The following PLA2G6 variants were observed in gnomAD, a reference collection of about 807,000 sequenced individuals.
The protein encoded by PLA2G6 is phospholipase A2 group VI, also known as 85/88 kDa calcium-independent phospholipase A2.
In PLA2G6, 62 loss-of-function variants were observed where a neutral mutation model predicts 83.8. The ratio of observed to expected loss-of-function variants is 0.74; its 90% CI spans 0.60 to 0.91. The LOEUF (loss-of-function observed/expected upper bound fraction) is 0.91, where lower values mean the gene tolerates loss of function less well. Among genes scored for constraint, PLA2G6 ranks in the 40% least tolerant of loss-of-function variants. The pLI is 0.00. For missense variants in PLA2G6, 944 were observed against 1,102.0 expected (o/e 0.86, Z 2.03); for synonymous variants, 417 against 449.8 (o/e 0.93, Z 0.92).
chr22:38,145,302 T>C lies in PLA2G6; in HGVS notation c.425+136A>G, dbSNP rs1176017745. On this transcript the variant is annotated intron_variant, in intron 3 of 16. Coordinates refer to ENST00000332509, the MANE Select transcript of PLA2G6 (RefSeq NM_003560.4). ...CCTCAGCCTCCCAAAGTGCTGGGAC[T>C]GCGTTAGTGAGCGACCATGCCAGGC... 3.9e-6 allele frequency: 3 copies of C among 769,462 alleles called. 1 individual carries two copies. The highest frequency in any genetic ancestry group is 6.8e-6 in the Non-Finnish European group (3 of 439,554). 47.7% of individuals were successfully genotyped at this position (769,462 alleles called of 1,614,324 possible).
chr22:38,173,924 C>T lies in PLA2G6; in HGVS notation c.-45-4453G>A, dbSNP rs895392415. Among the ~76,000 whole-genome samples, 174 of 152,000 alleles carry T rather than the reference C, an allele frequency of 1.1e-3. 1 individual carries two copies. The highest frequency in any genetic ancestry group is 9.8e-3 in the Admixed American group (149 of 15,270). On this transcript the variant is annotated intron_variant, in intron 1 of 16. Coordinates refer to ENST00000332509, the MANE Select transcript of PLA2G6 (RefSeq NM_003560.4). Reference sequence around the variant, plus strand: ...AAAATTAGCTGGGCATGGTGGTGTGCGCCTGTGGTCCCAGCTACTCGGGAG... The same window carrying T: ...AAAATTAGCTGGGCATGGTGGTGTGTGCCTGTGGTCCCAGCTACTCGGGAG...
Position 38,111,811 on chromosome 22 carries a change from G to T in PLA2G6, c.*350C>A, listed in dbSNP as rs11570770. On this transcript the variant is annotated 3_prime_UTR_variant, in exon 17 of 17. Coordinates refer to ENST00000332509, the MANE Select transcript of PLA2G6 (RefSeq NM_003560.4). ...CTGGGGGCTGGGGCAGAGGCAGCCCGGCAGGCCCTCAGGGAGGCTGGGGCT... is the reference window on the plus strand; with the variant it reads ...CTGGGGGCTGGGGCAGAGGCAGCCCTGCAGGCCCTCAGGGAGGCTGGGGCT... 0.098 allele frequency: 36,255 copies of T among 369,066 alleles called. 1,994 individuals carry two copies. Among genetic ancestry groups the T allele is most frequent in the East Asian group, 0.14 (2,134 of 14,994 alleles). 22.9% of individuals were successfully genotyped at this position (369,066 alleles called of 1,614,324 possible). A position where few individuals can be genotyped will look rare whatever the true frequency, so the allele number is the denominator to read the frequency against.
chr22:38,177,042 C>CA (rs11471646), intron 1 of PLA2G6, among the ~76,000 whole-genome samples: 9,924 of 129,338 alleles, frequency 0.077, 640 homozygotes, highest in African/African-American at 0.16. Context: ...GAGACTGTCT[C>CA]AAAAAAAAAA....
chr22:38,119,188 A>T (rs2087381236), intron 12 of PLA2G6, among the ~76,000 whole-genome samples: 1 of 152,112 alleles, frequency 6.6e-6, no homozygotes, highest in African/African-American at 2.4e-5. Context: ...CCACCCAGAC[A>T]CCAGGACTCA....
intron 11 of PLA2G6, among the ~76,000 whole-genome samples, chr22:38,122,504 G>A (rs1470213924): frequency 6.6e-6 from 1 of 152,142 alleles, no homozygotes; most frequent in Non-Finnish European, 1.5e-5. Context: ...AGTGAAAGGA[G>A]ACTACACAGT....
At chr22:38,179,323 G>A (rs2090756698) in intron 1 of PLA2G6, among the ~76,000 whole-genome samples, 1 of 152,118 alleles carries the variant, frequency 6.6e-6, no homozygotes. Context: ...CTGGGTGTGG[G>A]GTAAGAAACA....
At chr22:38,133,105 G>T in intron 6 of PLA2G6, 92 bp from the exon 7 acceptor site, 1 of 1,215,606 alleles carries the variant, frequency 8.2e-7, no homozygotes, top group Non-Finnish European at 1.2e-6. Flanking sequence ...GCTCTGAGAG[G>T]CCTACAGGTA....
chr22:38,168,668 G>C (rs772179253), intron 2 of PLA2G6, among the ~76,000 whole-genome samples: 16 of 152,176 alleles, frequency 1.1e-4, no homozygotes, highest in Non-Finnish European at 1.9e-4. Flanking sequence ...TGGCCAATAT[G>C]ATGAAACCCC....
rs973555681 is a variant in PLA2G6, at chr22:38,122,989, C to A, written c.1591+106G>T. The A allele has an allele frequency of 7.1e-6, 8 of 1,126,010 alleles. No homozygotes were observed. In the African/African-American group the frequency reaches 1.1e-4, roughly 15 times the overall value. The allele number at this position is 1,126,010 out of a possible 1,614,324, so 69.8% of individuals were successfully genotyped here. ...GCCTCCTCAAAGTGCTTATAGCCCT[C>A]CTCTACTCCTCCACTCTCTTTTTGC... On this transcript the variant is annotated intron_variant, in intron 11 of 16. Transcript: ENST00000332509.
At chr22:38,122,065 C>T (rs1161711335) in intron 11 of PLA2G6, among the ~76,000 whole-genome samples, 1 of 152,134 alleles carries the variant, frequency 6.6e-6, no homozygotes, top group Non-Finnish European at 1.5e-5. Context: ...GACTCTCCTC[C>T]TCCGCCCATG....
In PLA2G6 at chr22:38,111,873, T is replaced by A; in HGVS notation, c.*288A>T. The stretch of plus-strand genomic sequence containing the variant: ...TACGGTTGTGCCCGGGTACCCTTAA[T>A]GTTTGAGCTGATGGGGGAGTCAGTT... On this transcript the variant is annotated 3_prime_UTR_variant, in exon 17 of 17. Coordinates refer to ENST00000332509, the MANE Select transcript of PLA2G6 (RefSeq NM_003560.4). 1 of 470,370 alleles carries A rather than the reference T, an allele frequency of 2.1e-6. No homozygotes were observed. The highest frequency in any genetic ancestry group is 2.0e-5 in the African/African-American group (1 of 50,598). The allele number at this position is 470,370 out of a possible 1,614,324, so 29.1% of individuals were successfully genotyped here.
chr22:38,112,395 A>G, intron 16 of PLA2G6, 90 bp from the exon 17 acceptor site: 2 of 1,541,400 alleles, frequency 1.3e-6, no homozygotes, highest in East Asian at 2.3e-5. Flanking sequence ...TGGGGAACAG[A>G]GCAGACCCTT....
Position 38,126,297 on chromosome 22 carries a change from C to T in PLA2G6, c.1427+74G>A, listed in dbSNP as rs549885315. 157 of 1,148,248 alleles carry T rather than the reference C, an allele frequency of 1.4e-4. No homozygotes were observed. In the African/African-American group the frequency reaches 2.2e-3, roughly 16 times the overall value. The allele number at this position is 1,148,248 out of a possible 1,614,324, so 71.1% of individuals were successfully genotyped here. A position where few individuals can be genotyped will look rare whatever the true frequency, so the allele number is the denominator to read the frequency against. On this transcript the variant is annotated intron_variant, in intron 10 of 16. Coordinates refer to ENST00000332509, the MANE Select transcript of PLA2G6 (RefSeq NM_003560.4). ...GGGTGCAGAGAGTAAAGCCCTGAGC[C>T]CACAACAGGGGGTGGGTGAGGGGCA... is the stretch of plus-strand genomic sequence containing the variant.
intron 1 of PLA2G6, among the ~76,000 whole-genome samples, chr22:38,175,896 A>G (rs1380999095): frequency 2.0e-5 from 3 of 152,176 alleles, no homozygotes; most frequent in Admixed American, 2.0e-4. Flanking sequence ...TGAATGAATG[A>G]GAATGAATGA....
intron 12 of PLA2G6, 137 bp from the exon 13 acceptor site, chr22:38,116,348 C>A (rs55679135): frequency 1.1e-6 from 1 of 934,916 alleles, no homozygotes; most frequent in Non-Finnish European, 1.7e-6. Flanking sequence ...GGCTTCTCCC[C>A]GCACCATCCC....
At position 38,114,681 on chromosome 22, in the gene PLA2G6, T is replaced by C. The variant is rs539817496; in HGVS notation, c.2034+846A>G. On this transcript the variant is annotated intron_variant, in intron 14 of 16. Coordinates refer to ENST00000332509, the MANE Select transcript of PLA2G6 (RefSeq NM_003560.4). ...GCCCGATCTGGCCCCTAGAGGGCGC[T>C]TCTCTGTCTGCCCAGAGCCTCTGCT... Among the ~76,000 whole-genome samples, 157 of 152,290 alleles carry C rather than the reference T, an allele frequency of 1.0e-3. 1 individual carries two copies. The highest frequency in any genetic ancestry group is 6.8e-3 in the Middle Eastern group (2 of 294).
At chr22:38,112,456 G>T in intron 16 of PLA2G6, 48 bp downstream of exon 16, 1 of 1,522,682 alleles carries the variant, frequency 6.6e-7, no homozygotes, top group South Asian at 1.2e-5. Flanking sequence ...CGGTGAGTCC[G>T]ACCACGCCAG....
At chr22:38,179,345 T>C (rs1342797794) in intron 1 of PLA2G6, among the ~76,000 whole-genome samples, 3 of 152,166 alleles carry the variant, frequency 2.0e-5, no homozygotes, top group African/African-American at 4.8e-5. Flanking sequence ...AGAGGCATCA[T>C]AGATAATCTC....
At chr22:38,118,712 A>C (rs1357628902) in intron 12 of PLA2G6, among the ~76,000 whole-genome samples, 6 of 150,818 alleles carry the variant, frequency 4.0e-5, no homozygotes, top group African/African-American at 1.5e-4. Context: ...AGAATTTATA[A>C]ATATTTTTTC....
Sources: gnomAD v4.1 joint callset for allele counts (sites outside exome capture counted in the v4.1 genomes callset) on GRCh38, gnomAD v4.1.1 for gene constraint, MANE v1.5 for transcripts, NCBI Gene and HGNC (gene_info 2026-07-23, HGNC 2026-07-21) for gene names.